ONECUT1: variants seen among roughly 807,000 people sequenced by gnomAD.
ONECUT1 encodes one cut homeobox 1.
In ONECUT1, 12 loss-of-function variants were observed where a neutral mutation model predicts 25.6. That is an observed-to-expected ratio of 0.47 (90% confidence interval 0.30 to 0.76). The LOEUF is 0.76. Ranked by LOEUF, ONECUT1 falls within the 30% of genes least tolerant of loss-of-function variation. The pLI is 0.07. For missense variants in ONECUT1, 620 were observed against 651.2 expected (o/e 0.95, Z 0.52); for synonymous variants, 285 against 270.2 (o/e 1.05, Z -0.54).
intron 1 of ONECUT1, among the ~76,000 whole-genome samples, chr15:52,759,909 A>C (rs1386881656): frequency 6.6e-6 from 1 of 152,090 alleles, no homozygotes; most frequent in Non-Finnish European, 1.5e-5. Context: ...ACAATACTAA[A>C]ATTTTTAAAG....
chr15:52,772,193 G>C (rs1383633380), intron 1 of ONECUT1, among the ~76,000 whole-genome samples: 1 of 152,064 alleles, frequency 6.6e-6, no homozygotes, highest in Non-Finnish European at 1.5e-5. Context: ...AGGAGATCGA[G>C]ACCATCCTGG....
At position 52,755,817 on chromosome 15, in the gene ONECUT1, A is replaced by G. The variant is rs80189829; in HGVS notation, c.*1738T>C. Among the ~76,000 whole-genome samples the G allele has an allele frequency of 0.016, 2,440 of 152,262 alleles. 57 individuals carry two copies. Among genetic ancestry groups the G allele is most frequent in the African/African-American group, 0.056 (2,346 of 41,544 alleles). ...ATCCACTTAGATAAGTTACAGTCCAACTGAATTCAGAGAGAATTTTTCTGG... is the reference window on the plus strand; with the variant it reads ...ATCCACTTAGATAAGTTACAGTCCAGCTGAATTCAGAGAGAATTTTTCTGG... On this transcript the variant is annotated 3_prime_UTR_variant, in exon 2 of 2. Coordinates refer to ENST00000305901, the MANE Select transcript of ONECUT1 (RefSeq NM_004498.4).
chr15:52,773,306 A>G (rs1658465769), intron 1 of ONECUT1, among the ~76,000 whole-genome samples: 1 of 152,144 alleles, frequency 6.6e-6, no homozygotes, highest in South Asian at 2.1e-4. Flanking sequence ...GAAAAGACAT[A>G]TAAATAGGGA....
intron 1 of ONECUT1, among the ~76,000 whole-genome samples, chr15:52,758,180 C>T (rs2083685324): frequency 6.6e-6 from 1 of 152,138 alleles, no homozygotes; most frequent in African/African-American, 2.4e-5. Context: ...CAGTTTGAAC[C>T]TTTATTTCTT....
At chr15:52,772,289 G>A (rs1402976690) in intron 1 of ONECUT1, among the ~76,000 whole-genome samples, 1 of 152,006 alleles carries the variant, frequency 6.6e-6, no homozygotes, top group East Asian at 1.9e-4. Flanking sequence ...AGCTACTTGG[G>A]AGGCTGAGGC....
chr15:52,771,438 TGTGTG>T (rs1297832792), intron 1 of ONECUT1, among the ~76,000 whole-genome samples: 65 of 69,174 alleles, frequency 9.4e-4, no homozygotes, highest in African/African-American at 4.8e-3. Context: ...AAAAAGCAAG[TGTGTG>T]TGTGTGTGTG....
intron 1 of ONECUT1, among the ~76,000 whole-genome samples, chr15:52,775,545 G>T (rs1033353462): frequency 9.2e-5 from 14 of 151,610 alleles, no homozygotes; most frequent in Non-Finnish European, 1.5e-5. Context: ...CTGGTAACAG[G>T]GGTTTCTTCT....
chr15:52,766,836 A>G lies in ONECUT1; in HGVS notation c.1106-8989T>C, dbSNP rs554757837. On this transcript the variant is annotated intron_variant, in intron 1 of 1. Transcript: ENST00000305901. ...GTCTGCTTCTCTAGCAGAGCTGTCC[A>G]GGACAGAATCCTGCCATCCCATAGT... 8.5e-5 allele frequency among the ~76,000 whole-genome samples: 13 copies of G among 152,324 alleles called. No homozygotes were observed. In the South Asian group the frequency reaches 2.7e-3, roughly 32 times the overall value.
intron 1 of ONECUT1, among the ~76,000 whole-genome samples, chr15:52,766,985 T>C (rs957298500): frequency 2.0e-5 from 3 of 152,166 alleles, no homozygotes; most frequent in African/African-American, 7.2e-5. Context: ...TGCCTGGGCC[T>C]GGGAGGGGTG....
At chr15:52,777,648 A>G (rs769710592) in intron 1 of ONECUT1, among the ~76,000 whole-genome samples, 1 of 149,790 alleles carries the variant, frequency 6.7e-6, no homozygotes, top group Non-Finnish European at 1.5e-5. Context: ...CATCCTCCAG[A>G]TCTTCAAAAT....
rs371364750 is a variant in ONECUT1, at chr15:52,777,820, G to A, written c.1105+10960C>T. ...AAATTGTGTTGTACATTCCATTCCC[G>A]GTCCTGAGCACGGAACTTGCTACAG... is the stretch of plus-strand genomic sequence containing the variant. On this transcript the variant is annotated intron_variant, in intron 1 of 1. Coordinates refer to ENST00000305901, the MANE Select transcript of ONECUT1 (RefSeq NM_004498.4). 4.6e-5 allele frequency among the ~76,000 whole-genome samples: 7 copies of A among 151,744 alleles called. No homozygotes were observed. In the East Asian group the frequency reaches 5.8e-4, roughly 13 times the overall value.
intron 1 of ONECUT1, among the ~76,000 whole-genome samples, chr15:52,762,758 T>C (rs1362878454): frequency 6.6e-6 from 1 of 152,088 alleles, no homozygotes; most frequent in African/African-American, 2.4e-5. Context: ...ATCAGTAAAA[T>C]GGAGAGTAGA....
At chr15:52,783,100 G>T (rs1298211810) in intron 1 of ONECUT1, among the ~76,000 whole-genome samples, 1 of 152,222 alleles carries the variant, frequency 6.6e-6, no homozygotes, top group Non-Finnish European at 1.5e-5. Context: ...AACAGCTCGT[G>T]TAACAACCTC....
intron 1 of ONECUT1, among the ~76,000 whole-genome samples, chr15:52,780,356 G>C (rs1364466165): frequency 6.6e-6 from 1 of 152,142 alleles, no homozygotes; most frequent in East Asian, 1.9e-4. Flanking sequence ...CTTTTAATGA[G>C]CTGGTAGTGC....
chr15:52,767,858 A>C (rs1169056612), intron 1 of ONECUT1, among the ~76,000 whole-genome samples: 1 of 152,230 alleles, frequency 6.6e-6, no homozygotes, highest in East Asian at 1.9e-4. Flanking sequence ...TTATTCAGCC[A>C]TAAAAAGAAT....
At chr15:52,771,143 T>C (rs996220077) in intron 1 of ONECUT1, among the ~76,000 whole-genome samples, 1 of 152,160 alleles carries the variant, frequency 6.6e-6, no homozygotes, top group Non-Finnish European at 1.5e-5. Flanking sequence ...TAGATCCTTT[T>C]ATAGTAGTGA....
chr15:52,790,017 GTCTCTCTCTC>G lies in ONECUT1; in HGVS notation c.-143_-134del. 8.3e-7 allele frequency: 1 copy of G among 1,202,360 alleles called. No individual in the cohort carries two copies. Among genetic ancestry groups the G allele is most frequent in the South Asian group, 2.1e-5 (1 of 47,800 alleles). 74.5% of individuals were successfully genotyped at this position (1,202,360 alleles called of 1,614,324 possible). The stretch of plus-strand genomic sequence containing the variant: ...TTCCTTCCTCTCACTGTGGGGCTCT[GTCTCTCTCTC>G]TCTCTCTCTCCGTGTGTGTGTGTCC... On this transcript the variant is annotated 5_prime_UTR_variant, in exon 1 of 2. Coordinates refer to ENST00000305901, the MANE Select transcript of ONECUT1 (RefSeq NM_004498.4).
chr15:52,761,859 A>G (rs1480076737), intron 1 of ONECUT1, among the ~76,000 whole-genome samples: 2 of 152,140 alleles, frequency 1.3e-5, no homozygotes, highest in African/African-American at 4.8e-5. Flanking sequence ...GCAGATGGAG[A>G]AATGAGTTTT....
chr15:52,756,755 T>C lies in ONECUT1; in HGVS notation c.*800A>G, dbSNP rs376479431. 1.4e-4 allele frequency among the ~76,000 whole-genome samples: 21 copies of C among 152,366 alleles called. No homozygotes were observed. The East Asian group carries it at 3.1e-3, about 22-fold the overall frequency. On this transcript the variant is annotated 3_prime_UTR_variant, in exon 2 of 2. Transcript: ENST00000305901. ...TTCTATGTGGCATGTGTATTACAGC[T>C]AGATCAGTTCATACGTATAACTTTT...
Sources: allele counts gnomAD v4.1 joint callset (sites outside exome capture counted in the v4.1 genomes callset), GRCh38; gene constraint gnomAD v4.1.1; transcripts MANE v1.5; gene names NCBI Gene and HGNC (gene_info 2026-07-23, HGNC 2026-07-21).